DLG2: variants seen among roughly 807,000 people sequenced by gnomAD.
DLG2 encodes the protein discs large MAGUK scaffold protein 2.
DLG2 carries 45 observed loss-of-function variants against 132.5 expected under a neutral mutation model. That is an observed-to-expected ratio of 0.34 (90% CI 0.27 to 0.44). The LOEUF is 0.44. Ranked by LOEUF, DLG2 falls within the 20% of genes least tolerant of loss-of-function variation. The pLI, the probability that DLG2 is intolerant of heterozygous loss-of-function variation, is 1.00. For missense variants in DLG2, 1,045 were observed against 1,196.9 expected (o/e 0.87, Z 1.87); for synonymous variants, 424 against 419.6 (o/e 1.01, Z -0.13).
intron 16 of DLG2, among the ~76,000 whole-genome samples, chr11:83,858,331 A>G (rs553506208): frequency 2.0e-5 from 3 of 152,224 alleles, no homozygotes; most frequent in Non-Finnish European, 2.9e-5. Context: ...TCTTCCCATT[A>G]TTTCTCCACT....
Position 83,819,469 on chromosome 11 carries a change from C to CAAAAAAA in DLG2, c.1722+14138_1722+14144dup, listed in dbSNP as rs398016925. ...TGGGAGACAGAGCAAGACTCTATCT[C>CAAAAAAA]AAAAAAAAAAAAAAAAAAAAAAAGA... On this transcript the variant is annotated intron_variant, in intron 17 of 27. Coordinates refer to ENST00000376104, the MANE Select transcript of DLG2 (RefSeq NM_001142699.3). Among the ~76,000 whole-genome samples the CAAAAAAA allele has an allele frequency of 4.2e-3, 117 of 28,102 alleles. 4 individuals are homozygous for CAAAAAAA. Among genetic ancestry groups the CAAAAAAA allele is most frequent in the South Asian group, 9.0e-3 (3 of 332 alleles). 18.4% of individuals were successfully genotyped at this position (28,102 alleles called of 152,430 possible). A position where few individuals can be genotyped will look rare whatever the true frequency, so the allele number is the denominator to read the frequency against.
chr11:83,803,249 T>A (rs1014556293), intron 17 of DLG2, among the ~76,000 whole-genome samples: 4 of 152,140 alleles, frequency 2.6e-5, no homozygotes, highest in Admixed American at 1.3e-4. Context: ...CAGCCCTAAG[T>A]GACTTAGAAT....
intron 3 of DLG2, among the ~76,000 whole-genome samples, chr11:85,416,573 A>C (rs1188229870): frequency 6.6e-6 from 1 of 152,230 alleles, no homozygotes; most frequent in Non-Finnish European, 1.5e-5. Context: ...CCTATCCATC[A>C]GTATGGAATG....
chr11:84,845,368 G>A (rs1323793805), intron 6 of DLG2, among the ~76,000 whole-genome samples: 1 of 152,036 alleles, frequency 6.6e-6, no homozygotes, highest in Non-Finnish European at 1.5e-5. Flanking sequence ...GGGGTACAAC[G>A]ATACACAAAA....
At chr11:85,090,450 C>A (rs1056265542) in intron 6 of DLG2, among the ~76,000 whole-genome samples, 10 of 152,152 alleles carry the variant, frequency 6.6e-5, no homozygotes, top group African/African-American at 2.4e-4. Flanking sequence ...AGAAGACATC[C>A]CACTGGACGT....
At chr11:84,599,143 G>A (rs1448254216) in intron 6 of DLG2, among the ~76,000 whole-genome samples, 1 of 152,118 alleles carries the variant, frequency 6.6e-6, no homozygotes, top group Non-Finnish European at 1.5e-5. Flanking sequence ...TACTCAGGAG[G>A]CTGAGGCAGG....
chr11:85,179,566 A>G (rs1468071747), intron 4 of DLG2, among the ~76,000 whole-genome samples: 1 of 151,778 alleles, frequency 6.6e-6, no homozygotes, highest in Non-Finnish European at 1.5e-5. Context: ...ATAACCAATT[A>G]AAGAACAGAA....
intron 3 of DLG2, among the ~76,000 whole-genome samples, chr11:85,591,399 C>G (rs759754705): frequency 2.6e-5 from 4 of 152,130 alleles, no homozygotes; most frequent in Non-Finnish European, 4.4e-5. Context: ...CTCCTTTGAA[C>G]GTACATCAAT....
intron 7 of DLG2, among the ~76,000 whole-genome samples, chr11:84,533,325 C>G (rs1285733113): frequency 6.6e-6 from 1 of 152,158 alleles, no homozygotes; most frequent in Admixed American, 6.6e-5. Context: ...CCATGTCCCC[C>G]AATTCTTAAT....
At chr11:84,192,225 G>A (rs2154291753) in intron 8 of DLG2, among the ~76,000 whole-genome samples, 1 of 152,274 alleles carries the variant, frequency 6.6e-6, no homozygotes, top group East Asian at 1.9e-4. Flanking sequence ...GGGTGGGTGA[G>A]TATATGACAG....
chr11:84,085,491 A>G (rs1278228711), intron 10 of DLG2, among the ~76,000 whole-genome samples: 1 of 152,154 alleles, frequency 6.6e-6, no homozygotes, highest in Non-Finnish European at 1.5e-5. Flanking sequence ...CAAAGCATTG[A>G]TTTCCTGGCC....
intron 3 of DLG2, among the ~76,000 whole-genome samples, chr11:85,549,391 C>G (rs922679135): frequency 6.6e-6 from 1 of 152,192 alleles, no homozygotes; most frequent in Non-Finnish European, 1.5e-5. Flanking sequence ...GCATCAATCT[C>G]ACCAGGAGCT....
chr11:85,548,644 G>A (rs1227408901), intron 3 of DLG2, among the ~76,000 whole-genome samples: 3 of 152,304 alleles, frequency 2.0e-5, no homozygotes, highest in Middle Eastern at 3.4e-3. Flanking sequence ...TTATCTATAA[G>A]TCCCTGACTG....
chr11:83,803,385 T>C (rs936680530), intron 17 of DLG2, among the ~76,000 whole-genome samples: 4 of 152,124 alleles, frequency 2.6e-5, no homozygotes, highest in African/African-American at 9.7e-5. Flanking sequence ...TCATGTGTGT[T>C]AAATGTTTTG....
chr11:85,436,130 C>T (rs958183797), intron 3 of DLG2, among the ~76,000 whole-genome samples: 2 of 152,108 alleles, frequency 1.3e-5, no homozygotes, highest in African/African-American at 4.8e-5. Context: ...GAAACTGGAC[C>T]CTTCCTTACA....
At chr11:84,057,733 T>A (rs1006687307) in intron 11 of DLG2, among the ~76,000 whole-genome samples, 1 of 152,178 alleles carries the variant, frequency 6.6e-6, no homozygotes, top group Non-Finnish European at 1.5e-5. Flanking sequence ...GGCCTTATTC[T>A]AAATACTTTT....
At position 85,379,288 on chromosome 11, in the gene DLG2, G is replaced by A. The variant is rs577188076; in HGVS notation, c.41-93923C>T. 4.6e-5 allele frequency among the ~76,000 whole-genome samples: 7 copies of A among 152,162 alleles called. No homozygotes were observed. The South Asian group carries it at 8.3e-4, about 18-fold the overall frequency. ...CCTCATCAAACATACAACCACAGAC[G>A]CTCCTCCCTAACAGCTGACTTTTAA... On this transcript the variant is annotated intron_variant, in intron 3 of 27. Coordinates refer to ENST00000376104, the MANE Select transcript of DLG2 (RefSeq NM_001142699.3).
intron 15 of DLG2, among the ~76,000 whole-genome samples, chr11:83,902,421 G>T (rs1281081226): frequency 6.6e-6 from 1 of 152,178 alleles, no homozygotes; most frequent in African/African-American, 2.4e-5. Flanking sequence ...TCAAGAACAA[G>T]GGAGGGAATA....
intron 15 of DLG2, among the ~76,000 whole-genome samples, chr11:83,929,498 T>C (rs900391641): frequency 3.9e-5 from 6 of 152,232 alleles, no homozygotes; most frequent in Admixed American, 3.9e-4. Context: ...AGGAGGTCTT[T>C]TTTGTTATTT....
Sources: gnomAD v4.1 joint callset for allele counts (sites outside exome capture counted in the v4.1 genomes callset) on GRCh38, gnomAD v4.1.1 for gene constraint, MANE v1.5 for transcripts, NCBI Gene and HGNC (gene_info 2026-07-23, HGNC 2026-07-21) for gene names.